DDX10: variants seen among roughly 807,000 people sequenced by gnomAD.
DDX10 encodes probable ATP-dependent RNA helicase DDX10.
Under a neutral mutation model 104.3 loss-of-function variants are expected in DDX10, and 74 were observed. The ratio of observed to expected loss-of-function variants is 0.71; its 90% CI spans 0.59 to 0.86. DDX10 has a LOEUF of 0.86. Ranked by LOEUF, DDX10 falls within the 40% of genes least tolerant of loss-of-function variation. DDX10 has a pLI of 0.00. For missense variants in DDX10, 952 were observed against 1,040.0 expected (o/e 0.92, Z 1.16); for synonymous variants, 351 against 353.4 (o/e 0.99, Z 0.08).
chr11:108,756,200 T>A (rs2094344272), intron 13 of DDX10, among the ~76,000 whole-genome samples: 1 of 152,108 alleles, frequency 6.6e-6, no homozygotes, highest in Non-Finnish European at 1.5e-5. Context: ...TTTGTGTTGG[T>A]AAATTTGTAT....
At chr11:108,749,056 CTCTCTCTCTCTCTT>C (rs1209322411) in intron 13 of DDX10, among the ~76,000 whole-genome samples, 2 of 150,936 alleles carry the variant, frequency 1.3e-5, no homozygotes, top group Non-Finnish European at 2.9e-5. Flanking sequence ...CCATGTCTCT[CTCTCTCTCTCTCTT>C]TCTCTCTCTC....
intron 13 of DDX10, among the ~76,000 whole-genome samples, chr11:108,830,131 G>T (rs1435971425): frequency 1.3e-5 from 2 of 152,146 alleles, no homozygotes; most frequent in African/African-American, 4.8e-5. Flanking sequence ...GAGTTGCATT[G>T]AATTTGTAGA....
At chr11:108,885,671 G>A (rs758579287) in intron 16 of DDX10, among the ~76,000 whole-genome samples, 7 of 151,978 alleles carry the variant, frequency 4.6e-5, no homozygotes, top group African/African-American at 7.3e-5. Flanking sequence ...CACTGCGTCC[G>A]GCCCATTTTC....
chr11:108,755,895 C>T (rs1591810247), intron 13 of DDX10, among the ~76,000 whole-genome samples: 1 of 152,088 alleles, frequency 6.6e-6, no homozygotes, highest in East Asian at 1.9e-4. Flanking sequence ...ATAACAGATG[C>T]TCAACAATTA....
intron 16 of DDX10, among the ~76,000 whole-genome samples, chr11:108,880,915 A>G (rs143262475): frequency 6.6e-6 from 1 of 152,304 alleles, no homozygotes; most frequent in Non-Finnish European, 1.5e-5. Context: ...TTTGTAGCCT[A>G]AGGCATTTTT....
At chr11:108,765,978 T>C (rs2094355925) in intron 13 of DDX10, among the ~76,000 whole-genome samples, 1 of 152,238 alleles carries the variant, frequency 6.6e-6, no homozygotes, top group Admixed American at 6.5e-5. Context: ...ATGACCAAGG[T>C]TCTCCACAGT....
At chr11:108,734,643 A>G (rs910172813) in intron 13 of DDX10, among the ~76,000 whole-genome samples, 5 of 152,152 alleles carry the variant, frequency 3.3e-5, no homozygotes, top group African/African-American at 1.2e-4. Flanking sequence ...AATATTCAAT[A>G]TTTATAACAT....
intron 13 of DDX10, among the ~76,000 whole-genome samples, chr11:108,828,754 G>A (rs1862431137): frequency 6.6e-6 from 1 of 152,176 alleles, no homozygotes; most frequent in South Asian, 2.1e-4. Context: ...CTCCTGAGTA[G>A]CTGGGACTAC....
At chr11:108,740,696 A>G (rs1020503938) in intron 13 of DDX10, among the ~76,000 whole-genome samples, 5 of 151,860 alleles carry the variant, frequency 3.3e-5, no homozygotes, top group African/African-American at 1.2e-4. Context: ...GTGAGATGCT[A>G]TCTTATTGTG....
intron 16 of DDX10, among the ~76,000 whole-genome samples, chr11:108,898,013 T>G (rs1029781982): frequency 1.2e-4 from 18 of 152,000 alleles, no homozygotes; most frequent in African/African-American, 4.4e-4. Context: ...AAGAGATAGT[T>G]CCCATGATCC....
intron 15 of DDX10, among the ~76,000 whole-genome samples, 177 bp from the exon 16 acceptor site, chr11:108,851,976 A>G (rs1246567889): frequency 3.3e-5 from 5 of 152,240 alleles, no homozygotes; most frequent in Non-Finnish European, 5.9e-5. Flanking sequence ...TCTGTCTGAC[A>G]CATTCTTAAT....
chr11:108,773,525 T>G (rs2094366023), intron 13 of DDX10, among the ~76,000 whole-genome samples: 1 of 152,178 alleles, frequency 6.6e-6, no homozygotes, highest in Non-Finnish European at 1.5e-5. Context: ...TTCTCTCCCT[T>G]TTCTGCTTCC....
intron 13 of DDX10, among the ~76,000 whole-genome samples, chr11:108,754,416 C>T (rs917532400): frequency 1.1e-4 from 17 of 151,958 alleles, no homozygotes; most frequent in Non-Finnish European, 2.4e-4. Context: ...ATCGAGTTTT[C>T]AGGTGGAATG....
chr11:108,717,430 C>T lies in DDX10; in HGVS notation c.1410+1464C>T, dbSNP rs183412433. ...GTTCAGGTGATTCTCCTGCTTCAGC[C>T]TCCCGAGTAGCTGGGATTACAGGCA... On this transcript the variant is annotated intron_variant, in intron 11 of 17. Transcript: ENST00000322536. Among the ~76,000 whole-genome samples, 893 of 152,324 alleles carry T rather than the reference C, an allele frequency of 5.9e-3. 3 individuals are homozygous for T. The highest frequency in any genetic ancestry group is 0.02 in the African/African-American group (831 of 41,574).
chr11:108,720,286 T>G (rs546422077), intron 12 of DDX10, among the ~76,000 whole-genome samples: 13 of 152,214 alleles, frequency 8.5e-5, no homozygotes, highest in Non-Finnish European at 1.5e-4. Flanking sequence ...TATAGTTTGA[T>G]CTTAAAGGAG....
At chr11:108,828,713 C>T (rs980307182) in intron 13 of DDX10, among the ~76,000 whole-genome samples, 2 of 152,222 alleles carry the variant, frequency 1.3e-5, no homozygotes, top group African/African-American at 4.8e-5. Flanking sequence ...CAACCTCTGC[C>T]TCTGGGCTCA....
intron 16 of DDX10, among the ~76,000 whole-genome samples, chr11:108,871,277 A>G (rs1418866176): frequency 3.3e-5 from 5 of 152,204 alleles, no homozygotes; most frequent in Non-Finnish European, 7.3e-5. Context: ...TAATTGTACC[A>G]AAACAACTGT....
At chr11:108,684,877 T>C (rs2094241299) in intron 6 of DDX10, among the ~76,000 whole-genome samples, 1 of 145,512 alleles carries the variant, frequency 6.9e-6, no homozygotes, top group Non-Finnish European at 1.5e-5. Flanking sequence ...TTCCTGACTT[T>C]TTAATGATTG....
rs116472437 is a variant in DDX10 at position 108,833,458 on chromosome 11, G to A, written c.1966-4988G>A. ...TGACATTTGCAGCATCTTTGAATGA[G>A]TGAAGAATAATTCTAGAGTATCAGA... On this transcript the variant is annotated intron_variant, in intron 13 of 17. Transcript: ENST00000322536. Among the ~76,000 whole-genome samples the A allele has an allele frequency of 7.6e-3, 1,163 of 152,320 alleles. 13 individuals are homozygous for A. The highest frequency in any genetic ancestry group is 0.027 in the African/African-American group (1,110 of 41,572).
Sources: gnomAD v4.1 joint callset for allele counts (sites outside exome capture counted in the v4.1 genomes callset) on GRCh38, gnomAD v4.1.1 for gene constraint, MANE v1.5 for transcripts, NCBI Gene and HGNC (gene_info 2026-07-23, HGNC 2026-07-21) for gene names.